Variants in EMC3 observed in about 807,000 individuals in gnomAD.
EMC3 encodes the protein ER membrane protein complex subunit 3.
Under a neutral mutation model 36.6 loss-of-function variants are expected in EMC3, and 13 were observed. The ratio of observed to expected loss-of-function variants is 0.35; its 90% CI spans 0.23 to 0.56. EMC3 has a LOEUF of 0.56. EMC3 is among the 20% of genes least tolerant of loss of function. EMC3 has a pLI of 0.84. For synonymous variants in EMC3, 120 were observed against 111.9 expected (o/e 1.07, Z -0.46); for missense variants, 220 against 324.5 (o/e 0.68, Z 2.47).
At chr3:9,969,369 A>C in intron 7 of EMC3, 1 of 1,139,722 alleles carries the variant, frequency 8.8e-7, no homozygotes, top group Non-Finnish European at 1.1e-6. Flanking sequence ...AAAGGCTCTT[A>C]GTATTGTTTT....
At chr3:9,970,330 G>A (rs1036568403) in intron 6 of EMC3, among the ~76,000 whole-genome samples, 2 of 152,134 alleles carry the variant, frequency 1.3e-5, no homozygotes, top group Non-Finnish European at 2.9e-5. Flanking sequence ...TGCTGGTGCT[G>A]GATCCCTCAC....
rs35290702 is a variant in EMC3 at position 9,970,927 on chromosome 3, C to CTT, written c.495-268_495-267dup. ...ATCACAAGTGTTGGTGTGTTCCATA[C>CTT]TTTTTTTTTTTTTGAGACGGAGTCT... On this transcript the variant is annotated intron_variant, in intron 5 of 7. Coordinates refer to ENST00000245046, the MANE Select transcript of EMC3 (RefSeq NM_001394674.1). Among the ~76,000 whole-genome samples, 32 of 147,002 alleles carry CTT rather than the reference C, an allele frequency of 2.2e-4. 1 individual carries two copies. The highest frequency in any genetic ancestry group is 1.2e-3 in the East Asian group (6 of 5,034).
At chr3:9,994,397 G>A (rs938604613) in intron 1 of EMC3, 2 of 580,320 alleles carry the variant, frequency 3.4e-6, no homozygotes, top group Non-Finnish European at 6.3e-6. Context: ...TTTTTTGTTG[G>A]TTGGAACTTA....
At chr3:9,998,321 GCGCCA>G (rs1435532808) in intron 1 of EMC3, among the ~76,000 whole-genome samples, 1 of 150,074 alleles carries the variant, frequency 6.7e-6, no homozygotes, top group Non-Finnish European at 1.5e-5. Flanking sequence ...AGCCGAGATT[GCGCCA>G]CTGCACTCCA....
At chr3:9,983,510 T>C (rs1394472205) in intron 1 of EMC3, among the ~76,000 whole-genome samples, 1 of 151,952 alleles carries the variant, frequency 6.6e-6, no homozygotes, top group Non-Finnish European at 1.5e-5. Flanking sequence ...CTGTCTCTAC[T>C]AAAATACAAA....
At position 9,994,047 on chromosome 3, in the gene EMC3, A is replaced by C. The variant is rs1360722019; in HGVS notation, c.-241-7145T>G. 5 of 1,173,466 alleles carry C rather than the reference A, an allele frequency of 4.3e-6. 1 individual carries two copies. The African/African-American group carries it at 4.5e-5, about 11-fold the overall frequency. The allele number at this position is 1,173,466 out of a possible 1,614,324, so 72.7% of individuals were successfully genotyped here. ...GAATGGTGAAGGATTATTCTGTGTAAAACAAAGATTAAGATTTCTTAAGTT... is the reference window on the plus strand; with the variant it reads ...GAATGGTGAAGGATTATTCTGTGTACAACAAAGATTAAGATTTCTTAAGTT... On this transcript the variant is annotated intron_variant, in intron 1 of 8. Transcript: ENST00000470827.
At chr3:9,990,446 C>T (rs186854047), upstream of EMC3, among the ~76,000 whole-genome samples, 501 of 151,034 alleles carry the variant, frequency 3.3e-3, no homozygotes, top group Non-Finnish European at 4.0e-3. Flanking sequence ...GCGATCCCCC[C>T]ACCTCAGTCT....
At chr3:9,970,699 A>C in intron 5 of EMC3, 38 bp from the exon 6 acceptor site, 2 of 1,606,658 alleles carry the variant, frequency 1.2e-6, no homozygotes, top group Non-Finnish European at 1.7e-6. Flanking sequence ...GTTAGTTATT[A>C]TATCAGAGAG....
At chr3:9,985,394 G>A (rs2085960048) in intron 1 of EMC3, among the ~76,000 whole-genome samples, 1 of 152,192 alleles carries the variant, frequency 6.6e-6, no homozygotes, top group Admixed American at 6.5e-5. Flanking sequence ...ACTTACCTGA[G>A]ATGATTTCTG....
At chr3:10,000,356 A>G (rs544259158) in intron 1 of EMC3, among the ~76,000 whole-genome samples, 11 of 152,288 alleles carry the variant, frequency 7.2e-5, no homozygotes, top group African/African-American at 2.4e-4. Context: ...AAGTTTTAAG[A>G]TGGCACTCAC....
chr3:10,002,749 A>C (rs908088143), intron 1 of EMC3: 1 of 446,000 alleles, frequency 2.2e-6, no homozygotes, highest in Non-Finnish European at 4.5e-6. Context: ...AGACCTGCAC[A>C]ACTGGATACA....
intron 1 of EMC3, among the ~76,000 whole-genome samples, chr3:9,982,410 T>G (rs1172792456): frequency 1.3e-5 from 2 of 151,888 alleles, no homozygotes; most frequent in Non-Finnish European, 2.9e-5. Context: ...CGTCCCACCA[T>G]GCTCGGGTTA....
At chr3:9,997,115 T>C (rs2086135425) in intron 1 of EMC3, among the ~76,000 whole-genome samples, 1 of 152,194 alleles carries the variant, frequency 6.6e-6, no homozygotes, top group South Asian at 2.1e-4. Context: ...TAATAATCAC[T>C]AATCACATTC....
intron 1 of EMC3, chr3:10,002,913 C>T (rs1293165711): frequency 2.2e-6 from 1 of 451,636 alleles, no homozygotes; most frequent in South Asian, 1.6e-5. Context: ...CCACCCAGAG[C>T]ACCTGTAGCA....
chr3:10,006,663 T>G (rs1575707455), intron 1 of EMC3: 3 of 191,120 alleles, frequency 1.6e-5, no homozygotes, highest in South Asian at 7.1e-5. Flanking sequence ...GGGAGGGGGG[T>G]TGTCAGTTAA....
chr3:9,973,476 G>A (rs567409314), intron 5 of EMC3, 152 bp downstream of exon 5: 3 of 649,744 alleles, frequency 4.6e-6, no homozygotes, highest in African/African-American at 3.6e-5. Flanking sequence ...TTACAGTCGT[G>A]AGCCACTGCG....
chr3:9,986,176 G>A (rs1351550520), intron 1 of EMC3, among the ~76,000 whole-genome samples: 1 of 152,194 alleles, frequency 6.6e-6, no homozygotes, highest in East Asian at 1.9e-4. Flanking sequence ...CAACGGAAGG[G>A]TGGGATGGAA....
intron 4 of EMC3, 65 bp from the exon 5 acceptor site, chr3:9,973,774 T>G: frequency 6.9e-7 from 1 of 1,451,410 alleles, no homozygotes; most frequent in Non-Finnish European, 9.7e-7. Flanking sequence ...GTGTGACTCT[T>G]TCTCAGAGGA....
intron 1 of EMC3, chr3:10,008,241 A>C (rs1325532345): frequency 2.3e-6 from 1 of 442,754 alleles, no homozygotes; most frequent in Non-Finnish European, 4.2e-6. Context: ...GGACGAGGCC[A>C]GAATTCTTTC....
Sources: gnomAD v4.1 joint callset for allele counts (sites outside exome capture counted in the v4.1 genomes callset) on GRCh38, gnomAD v4.1.1 for gene constraint, MANE v1.5 for transcripts, NCBI Gene and HGNC (gene_info 2026-07-23, HGNC 2026-07-21) for gene names.